MMAA: variants seen among roughly 807,000 people sequenced by gnomAD.
MMAA encodes the protein metabolism of cobalamin associated A.
A neutral mutation model predicts 45.0 loss-of-function variants in MMAA; 41 were observed. The ratio of observed to expected loss-of-function variants is 0.91; its 90% CI spans 0.71 to 1.18. The LOEUF is 1.18. Among genes scored for constraint, MMAA ranks in the 50% most tolerant of loss-of-function variants. The pLI, the probability that MMAA is intolerant of heterozygous loss-of-function variation, is 0.00. For missense variants in MMAA, 460 were observed against 495.7 expected (o/e 0.93, Z 0.68); for synonymous variants, 154 against 178.2 (o/e 0.86, Z 1.08).
chr4:145,637,805 T>A (rs1461522283), intron 1 of MMAA, among the ~76,000 whole-genome samples: 1 of 152,234 alleles, frequency 6.6e-6, no homozygotes, highest in Non-Finnish European at 1.5e-5. Flanking sequence ...AATTGAGCTC[T>A]TACTGCATGG....
chr4:145,635,772 C>T (rs1283803306), intron 1 of MMAA, among the ~76,000 whole-genome samples: 1 of 152,222 alleles, frequency 6.6e-6, no homozygotes, highest in African/African-American at 2.4e-5. Context: ...CAGATTTCCT[C>T]TCTCTGTTCT....
chr4:145,634,704 AC>A (rs1727559812), intron 1 of MMAA, among the ~76,000 whole-genome samples: 1 of 151,858 alleles, frequency 6.6e-6, no homozygotes, highest in Non-Finnish European at 1.5e-5. Flanking sequence ...TGAGAGTCTC[AC>A]CCAAGGCCCT....
Position 145,646,155 on chromosome 4 carries a change from T to C in MMAA, c.732T>C (p.Val244=), listed in dbSNP as rs1189627312. 3 of 1,614,064 alleles carry C rather than the reference T, an allele frequency of 1.9e-6. No homozygotes were observed. The highest frequency in any genetic ancestry group is 1.7e-6 in the Non-Finnish European group (2 of 1,179,910). Residue 244 remains valine (V), a splice_region_variant and synonymous_variant, in exon 4 of 7, where the codon GTT becomes GTC. Transcript: ENST00000649156. ...AGYDIILIET[V]GVGQSEFAVA... ...ATGACATAATTCTTATTGAAACCGTTGGTGAGTGTGATATTCTATTTCATA... is the reference window on the plus strand; with the variant it reads ...ATGACATAATTCTTATTGAAACCGTCGGTGAGTGTGATATTCTATTTCATA...
chr4:145,631,417 T>TA (rs755170859), intron 1 of MMAA, among the ~76,000 whole-genome samples: 1 of 152,206 alleles, frequency 6.6e-6, no homozygotes, highest in Non-Finnish European at 1.5e-5. Context: ...TGTCTCTTCT[T>TA]ACAGTTTTTG....
chr4:145,626,363 T>C (rs918872360), intron 1 of MMAA, among the ~76,000 whole-genome samples: 6 of 152,200 alleles, frequency 3.9e-5, no homozygotes, highest in African/African-American at 1.4e-4. Flanking sequence ...TAAAATCTGG[T>C]TAATTAGATA....
At chr4:145,638,808 T>G (rs2126616670) in intron 1 of MMAA, among the ~76,000 whole-genome samples, 1 of 152,360 alleles carries the variant, frequency 6.6e-6, no homozygotes, top group Non-Finnish European at 1.5e-5. Flanking sequence ...TTTTATATAT[T>G]GTTTTTATTA....
intron 1 of MMAA, chr4:145,625,249 CTT>C: frequency 1.1e-6 from 1 of 950,646 alleles, no homozygotes; most frequent in African/African-American, 1.6e-5. Context: ...GTTGCTGACT[CTT>C]GAGGAGCAAG....
At chr4:145,640,238 G>A (rs769088794) in intron 2 of MMAA, among the ~76,000 whole-genome samples, 122 of 151,984 alleles carry the variant, frequency 8.0e-4, no homozygotes, top group Middle Eastern at 3.4e-3. Flanking sequence ...TCAGCCTCCC[G>A]AGTAGCTAGG....
chr4:145,636,461 C>T (rs1727611444), intron 1 of MMAA, among the ~76,000 whole-genome samples: 1 of 152,210 alleles, frequency 6.6e-6, no homozygotes, highest in East Asian at 1.9e-4. Flanking sequence ...CATTTGTCCA[C>T]TGCCCACAAG....
chr4:145,631,312 A>G (rs747337429), intron 1 of MMAA, among the ~76,000 whole-genome samples: 6 of 152,172 alleles, frequency 3.9e-5, no homozygotes, highest in Non-Finnish European at 4.4e-5. Context: ...TTTGCTCTGT[A>G]TATCTGGGTG....
intron 4 of MMAA, among the ~76,000 whole-genome samples, chr4:145,646,922 G>T (rs1040488373): frequency 2.0e-5 from 3 of 152,170 alleles, no homozygotes; most frequent in Non-Finnish European, 4.4e-5. Context: ...GATTGTCAGG[G>T]ACCTTACATG....
intron 1 of MMAA, among the ~76,000 whole-genome samples, chr4:145,638,318 G>A (rs1269274225): frequency 2.0e-5 from 3 of 152,092 alleles, no homozygotes; most frequent in African/African-American, 7.2e-5. Flanking sequence ...GCAGTGAGCC[G>A]AGATGACGCC....
At position 145,655,441 on chromosome 4, in the gene MMAA, T is replaced by C; in HGVS notation, c.*7T>C. 1 of 1,604,340 alleles carries C rather than the reference T, an allele frequency of 6.2e-7. No homozygotes were observed. Among genetic ancestry groups the C allele is most frequent in the African/African-American group, 1.3e-5 (1 of 74,534 alleles). On this transcript the variant is annotated 3_prime_UTR_variant, in exon 7 of 7. Transcript: ENST00000649156. ...TTTTAAAAGCAGAGACTAATAAAAT[T>C]CATCCTGTATAATAATTTTACATAT... is the stretch of plus-strand genomic sequence containing the variant.
chr4:145,652,995 A>T (rs775851516), intron 5 of MMAA, among the ~76,000 whole-genome samples: 1 of 151,792 alleles, frequency 6.6e-6, no homozygotes, highest in Non-Finnish European at 1.5e-5. Flanking sequence ...TCAGCCTCCC[A>T]GGTAGCTGGG....
chr4:145,654,323 T>TAG (rs1266282908), intron 6 of MMAA, among the ~76,000 whole-genome samples, 180 bp downstream of exon 6: 1 of 152,172 alleles, frequency 6.6e-6, no homozygotes, highest in African/African-American at 2.4e-5. Flanking sequence ...CTTTAACCAC[T>TAG]AGATGTCAAA....
At chr4:145,625,861 G>A in intron 1 of MMAA, 2 of 1,346,098 alleles carry the variant, frequency 1.5e-6, no homozygotes, top group Non-Finnish European at 2.1e-6. Flanking sequence ...CGTTCCAGAT[G>A]ACGGGTTATG....
Position 145,642,364 on chromosome 4 carries a change from A to G in MMAA, c.441A>G (p.Gly147=). ...TTAGAAGATCTCTTTCCACCGTAGG[A>G]TTGTCTGGGCCCCCTGGTGCTGGAA... The part of the protein sequence containing the change: ...NKGKPLAFRV[G]LSGPPGAGKS... Residue 147 remains glycine (G), a splice_region_variant and synonymous_variant, in exon 3 of 7, where the codon GGA becomes GGG. Coordinates refer to ENST00000649156, the MANE Select transcript of MMAA (RefSeq NM_172250.3). 6 of 1,613,866 alleles carry G rather than the reference A, an allele frequency of 3.7e-6. No individual in the cohort carries two copies. Among genetic ancestry groups the G allele is most frequent in the Non-Finnish European group, 5.1e-6 (6 of 1,179,952 alleles).
At chr4:145,645,940 C>A (rs1194726880) in intron 3 of MMAA, 46 bp from the exon 4 acceptor site, 5 of 1,592,232 alleles carry the variant, frequency 3.1e-6, no homozygotes, top group Non-Finnish European at 3.4e-6. Flanking sequence ...TGATAATTGA[C>A]CCGTAAAACT....
intron 2 of MMAA, 82 bp from the exon 3 acceptor site, chr4:145,642,270 AATAGAAGGTAG>A: frequency 2.9e-6 from 4 of 1,358,566 alleles, no homozygotes; most frequent in Non-Finnish European, 4.2e-6. Flanking sequence ...CATTAGGGGA[AATAGAAGGTAG>A]TCTAATATTT....
Sources: gnomAD v4.1 joint callset for allele counts (sites outside exome capture counted in the v4.1 genomes callset) on GRCh38, gnomAD v4.1.1 for gene constraint, MANE v1.5 for transcripts, NCBI Gene and HGNC (gene_info 2026-07-23, HGNC 2026-07-21) for gene names.